The following WDR72 variants were observed in gnomAD, a reference collection of about 807,000 sequenced individuals.
The protein encoded by WDR72 is WD repeat domain 72.
In WDR72, 120 loss-of-function variants were observed where a neutral mutation model predicts 124.2. The observed-to-expected ratio is 0.97, with a 90% CI of 0.83 to 1.12. The LOEUF (loss-of-function observed/expected upper bound fraction) is 1.12, where lower values mean the gene tolerates loss of function less well. Ranked by LOEUF, WDR72 falls within the 50% of genes most tolerant of loss-of-function variation. The pLI is 0.00. For missense variants in WDR72, 1,387 were observed against 1,278.8 expected, an observed-to-expected ratio of 1.08 and a Z score of -1.29; for synonymous variants, 452 against 441.7, an observed-to-expected ratio of 1.02 and a Z score of -0.29.
At chr15:53,662,354 G>A (rs2015636348) in intron 14 of WDR72, among the ~76,000 whole-genome samples, 1 of 151,980 alleles carries the variant, frequency 6.6e-6, no homozygotes, top group African/African-American at 2.4e-5. Flanking sequence ...TTTTTCTCTT[G>A]CAAACTTTTC....
rs181554289 is a variant in WDR72 at position 53,714,285 on chromosome 15, T to C, written c.591+149A>G. 921 of 708,346 alleles carry C rather than the reference T, an allele frequency of 1.3e-3. 7 individuals carry two copies. The African/African-American group carries it at 0.014, about 11-fold the overall frequency. The allele number at this position is 708,346 out of a possible 1,614,324, so 43.9% of individuals were successfully genotyped here. On this transcript the variant is annotated intron_variant, in intron 6 of 19. Coordinates refer to ENST00000360509, the MANE Select transcript of WDR72 (RefSeq NM_182758.4). ...GTACCAAGGCTCACCCCTGGGAAGA[T>C]GGATGGGGGAAATATATGGAAGTAG... is the stretch of plus-strand genomic sequence containing the variant.
At chr15:53,758,623 T>C (rs984614166) in intron 1 of WDR72, among the ~76,000 whole-genome samples, 1 of 151,826 alleles carries the variant, frequency 6.6e-6, no homozygotes, top group Non-Finnish European at 1.5e-5. Context: ...GGTTTGTAAG[T>C]GGTGAGAGCT....
In WDR72 at chr15:53,612,797, C is replaced by T. The variant is rs2013600065; in HGVS notation, c.2872+869G>A. Among the ~76,000 whole-genome samples, 3 of 151,994 alleles carry T rather than the reference C, an allele frequency of 2.0e-5. No homozygotes were observed. The South Asian group carries it at 6.2e-4, about 32-fold the overall frequency. On this transcript the variant is annotated intron_variant, in intron 16 of 19. Coordinates refer to ENST00000360509, the MANE Select transcript of WDR72 (RefSeq NM_182758.4). ...AGTTCTGAATAAATCATTCTGGCTGCTTGGGTGGGAACAGAGTGCAGGAGT... is the reference window on the plus strand; with the variant it reads ...AGTTCTGAATAAATCATTCTGGCTGTTTGGGTGGGAACAGAGTGCAGGAGT...
Position 53,715,089 on chromosome 15 carries a change from A to G in WDR72, c.514+104T>C, listed in dbSNP as rs572129811. ...TATCCTCATTAACAGGTAAGCATAA[A>G]GAAGCATTCTTTCTGAATTTCTGCC... On this transcript the variant is annotated intron_variant, in intron 5 of 19. Transcript: ENST00000360509. 3.0e-5 allele frequency: 39 copies of G among 1,285,290 alleles called. No individual in the cohort carries two copies. The South Asian group carries it at 5.0e-4, about 16-fold the overall frequency. The allele number at this position is 1,285,290 out of a possible 1,614,324, so 79.6% of individuals were successfully genotyped here.
At chr15:53,694,630 C>T (rs775038093) in intron 13 of WDR72, among the ~76,000 whole-genome samples, 1 of 152,100 alleles carries the variant, frequency 6.6e-6, no homozygotes, top group South Asian at 2.1e-4. Flanking sequence ...GTTTGCATTG[C>T]ACGATAAGTG....
chr15:53,580,746 G>A (rs2011873772), intron 18 of WDR72, among the ~76,000 whole-genome samples: 1 of 151,702 alleles, frequency 6.6e-6, no homozygotes, highest in Non-Finnish European at 1.5e-5. Context: ...AAGTGGCCAT[G>A]GAAAAAAAAG....
intron 18 of WDR72, among the ~76,000 whole-genome samples, chr15:53,532,928 C>CAAAT (rs1196783849): frequency 6.6e-6 from 1 of 151,964 alleles, no homozygotes; most frequent in South Asian, 2.1e-4. Flanking sequence ...ATAATAATTA[C>CAAAT]AAATAAAAAA....
chr15:53,594,050 T>C (rs544180164), intron 18 of WDR72, among the ~76,000 whole-genome samples: 3 of 152,096 alleles, frequency 2.0e-5, no homozygotes, highest in Admixed American at 1.3e-4. Context: ...TTAGGGTTCA[T>C]GTGGATTGTG....
intron 18 of WDR72, among the ~76,000 whole-genome samples, chr15:53,586,979 G>A (rs549688801): frequency 2.6e-5 from 4 of 152,002 alleles, no homozygotes; most frequent in Non-Finnish European, 5.9e-5. Context: ...GGCAGTTCTC[G>A]GTAGGGTTGG....
chr15:53,711,555 T>C (rs2017540285), intron 7 of WDR72, 74 bp from the exon 8 acceptor site: 6 of 1,462,946 alleles, frequency 4.1e-6, no homozygotes, highest in Middle Eastern at 1.8e-4. Flanking sequence ...TAAATTATGA[T>C]AGTAATAATA....
chr15:53,615,199 G>A (rs1016087719), intron 15 of WDR72, among the ~76,000 whole-genome samples: 4 of 151,812 alleles, frequency 2.6e-5, no homozygotes, highest in African/African-American at 7.3e-5. Flanking sequence ...TTGAATATTT[G>A]TTGAGTTAAT....
At chr15:53,718,879 T>G (rs2017793709) in intron 3 of WDR72, among the ~76,000 whole-genome samples, 1 of 143,756 alleles carries the variant, frequency 7.0e-6, no homozygotes, top group African/African-American at 3.0e-5. Context: ...AATTTTTATT[T>G]CAATGAAAAG....
chr15:53,746,958 G>A (rs2018658695), intron 1 of WDR72, among the ~76,000 whole-genome samples: 3 of 152,188 alleles, frequency 2.0e-5, no homozygotes, highest in South Asian at 4.1e-4. Context: ...GTTTGGGAAA[G>A]GGCAAAGTTG....
chr15:53,721,605 AT>A (rs1256541760), intron 3 of WDR72, among the ~76,000 whole-genome samples: 1 of 152,216 alleles, frequency 6.6e-6, no homozygotes. Flanking sequence ...GAAAATAGGT[AT>A]CTCTTTGATA....
chr15:53,704,872 T>C (rs1398126558), intron 11 of WDR72, 116 bp downstream of exon 11: 2 of 1,138,162 alleles, frequency 1.8e-6, no homozygotes, highest in Non-Finnish European at 2.5e-6. Flanking sequence ...AATATGTACA[T>C]ATTTATCAGC....
At chr15:53,588,090 A>G (rs2012313034) in intron 18 of WDR72, among the ~76,000 whole-genome samples, 1 of 152,042 alleles carries the variant, frequency 6.6e-6, no homozygotes, top group Non-Finnish European at 1.5e-5. Context: ...TCATCCTTAT[A>G]ATCACCATTT....
At chr15:53,716,011 C>A (rs898494682) in intron 4 of WDR72, among the ~76,000 whole-genome samples, 4 of 151,786 alleles carry the variant, frequency 2.6e-5, no homozygotes, top group Non-Finnish European at 5.9e-5. Context: ...GGTTTTATTT[C>A]CAAAAAAAAT....
At chr15:53,566,444 G>T (rs1021546856) in intron 18 of WDR72, among the ~76,000 whole-genome samples, 3 of 151,990 alleles carry the variant, frequency 2.0e-5, no homozygotes, top group Non-Finnish European at 4.4e-5. Context: ...TCGAGACTGG[G>T]AATCTAAGAT....
chr15:53,566,663 A>T (rs1349615257), intron 18 of WDR72, among the ~76,000 whole-genome samples: 1 of 151,966 alleles, frequency 6.6e-6, no homozygotes, highest in African/African-American at 2.4e-5. Context: ...GATGAGGAGA[A>T]CATGAAAGAG....
Sources: gnomAD v4.1 joint callset for allele counts (sites outside exome capture counted in the v4.1 genomes callset) on GRCh38, gnomAD v4.1.1 for gene constraint, MANE v1.5 for transcripts, NCBI Gene and HGNC (gene_info 2026-07-23, HGNC 2026-07-21) for gene names.